Variants in FHIP1A observed in about 807,000 individuals in gnomAD.
FHIP1A encodes the protein FHF complex subunit HOOK interacting protein 1A, also known as FHF complex subunit HOOK-interacting protein 1A.
A neutral mutation model predicts 88.6 loss-of-function variants in FHIP1A; 61 were observed. The observed-to-expected ratio is 0.69, with a 90% CI of 0.56 to 0.85. The LOEUF (loss-of-function observed/expected upper bound fraction) is 0.85. Ranked by LOEUF, FHIP1A falls within the 40% of genes least tolerant of loss-of-function variation. The pLI is 0.00. For missense variants in FHIP1A, 1,154 were observed against 1,273.5 expected, an observed-to-expected ratio of 0.91 and a Z score of 1.43; for synonymous variants, 478 against 496.0, an observed-to-expected ratio of 0.96 and a Z score of 0.48.
chr4:151,624,988 T>G (rs1735899684), intron 7 of FHIP1A, among the ~76,000 whole-genome samples: 1 of 152,144 alleles, frequency 6.6e-6, no homozygotes, highest in Admixed American at 6.5e-5. Context: ...TTCTTGTCCT[T>G]GGAGGGGAGA....
chr4:151,547,951 A>G (rs1296078132), intron 3 of FHIP1A, among the ~76,000 whole-genome samples: 1 of 151,914 alleles, frequency 6.6e-6, no homozygotes, highest in African/African-American at 2.4e-5. Context: ...TGTGGTGAGC[A>G]CTTATCTGCA....
intron 3 of FHIP1A, among the ~76,000 whole-genome samples, chr4:151,536,415 C>G (rs1037633119): frequency 1.3e-5 from 2 of 152,186 alleles, no homozygotes; most frequent in African/African-American, 4.8e-5. Flanking sequence ...TGGGTCCCTT[C>G]TATTGCCCTC....
At chr4:151,489,897 A>G (rs2126645544) in intron 3 of FHIP1A, among the ~76,000 whole-genome samples, 1 of 152,158 alleles carries the variant, frequency 6.6e-6, no homozygotes, top group East Asian at 1.9e-4. Context: ...AGTAGCCAAA[A>G]ACACATAAAC....
intron 1 of FHIP1A, among the ~76,000 whole-genome samples, chr4:151,435,839 A>G (rs1277546941): frequency 6.6e-6 from 1 of 152,112 alleles, no homozygotes. Flanking sequence ...GTAGAATCAT[A>G]TGAATATCAA....
rs375487814 is a variant in FHIP1A at position 151,537,715 on chromosome 4, A to G, written c.-122-28423A>G. On this transcript the variant is annotated intron_variant, in intron 3 of 13. Transcript: ENST00000435205. ...ACTCATCCCTTAGAGACCCTCTAAC[A>G]TTGGTCATAATTTTGCAGCTTGAGG... is the stretch of plus-strand genomic sequence containing the variant. Among the ~76,000 whole-genome samples the G allele has an allele frequency of 1.4e-4, 22 of 152,284 alleles. No homozygotes were observed. In the East Asian group the frequency reaches 3.7e-3, roughly 25 times the overall value.
At chr4:151,475,826 T>A (rs999047058) in intron 2 of FHIP1A, among the ~76,000 whole-genome samples, 7 of 152,114 alleles carry the variant, frequency 4.6e-5, no homozygotes, top group Admixed American at 1.3e-4. Context: ...TGTTTTTTTT[T>A]ATAGAAAAGG....
At chr4:151,619,468 A>G (rs1735657352) in intron 7 of FHIP1A, among the ~76,000 whole-genome samples, 1 of 152,218 alleles carries the variant, frequency 6.6e-6, no homozygotes, top group Admixed American at 6.5e-5. Context: ...AAAATATCAG[A>G]GTGCATTGCA....
intron 3 of FHIP1A, among the ~76,000 whole-genome samples, chr4:151,503,677 A>G (rs1730729070): frequency 6.6e-6 from 1 of 152,206 alleles, no homozygotes. Context: ...CTTGGTTACA[A>G]TCCCACAAAT....
chr4:151,433,732 T>C (rs1159377265), intron 1 of FHIP1A, among the ~76,000 whole-genome samples: 2 of 152,160 alleles, frequency 1.3e-5, no homozygotes, highest in African/African-American at 4.8e-5. Context: ...ATTTTTATTT[T>C]TGTTTTTGTA....
At chr4:151,549,081 G>A (rs754340777) in intron 3 of FHIP1A, among the ~76,000 whole-genome samples, 3 of 152,086 alleles carry the variant, frequency 2.0e-5, no homozygotes, top group Admixed American at 2.0e-4. Flanking sequence ...TTTTAAAGAG[G>A]GCAGGTGTAT....
Position 151,668,402 on chromosome 4 carries a change from T to A in FHIP1A, c.*5648T>A, listed in dbSNP as rs1046779823. Among the ~76,000 whole-genome samples the A allele has an allele frequency of 6.6e-6, 1 of 152,206 alleles. No homozygotes were observed. Among genetic ancestry groups the A allele is most frequent in the Non-Finnish European group, 1.5e-5 (1 of 68,042 alleles). ...CCAAGCTGAAGGAGGGTGTGTACTT[T>A]CCGAAACTTCGAGGCCATCTTAGTA... is the stretch of plus-strand genomic sequence containing the variant. On this transcript the variant is annotated 3_prime_UTR_variant, in exon 14 of 14. Coordinates refer to ENST00000435205, the MANE Select transcript of FHIP1A (RefSeq NM_001109977.3).
chr4:151,649,682 G>C lies in FHIP1A; in HGVS notation c.1641G>C (p.Ser547=). ...TGACGGAGGAGGGCAGTGTGAGCTC[G>C]GCCTGCCCTGTGTTCGGGCTCCCGC... is the stretch of plus-strand genomic sequence containing the variant. ...QSLTEEGSVS[S]ACPVFGLPQQ... is the part of the protein sequence containing the mutation. Residue 547 remains serine, a synonymous_variant, in exon 11 of 14, where the codon TCG becomes TCC. Coordinates refer to ENST00000435205, the MANE Select transcript of FHIP1A (RefSeq NM_001109977.3). The C allele has an allele frequency of 5.2e-6, 8 of 1,551,532 alleles. No homozygotes were observed. The highest frequency in any genetic ancestry group is 6.1e-6 in the Non-Finnish European group (7 of 1,146,940).
chr4:151,621,462 G>A (rs1173288210), intron 7 of FHIP1A, among the ~76,000 whole-genome samples: 2 of 150,020 alleles, frequency 1.3e-5, no homozygotes, highest in East Asian at 2.0e-4. Flanking sequence ...CTTTGTTACA[G>A]TTTGAGTGTC....
intron 3 of FHIP1A, among the ~76,000 whole-genome samples, chr4:151,544,344 A>G (rs145348550): frequency 5.4e-4 from 83 of 152,318 alleles, no homozygotes; most frequent in African/African-American, 1.7e-3. Context: ...ATCTGGCTTC[A>G]CTTACAGTGA....
intron 3 of FHIP1A, among the ~76,000 whole-genome samples, chr4:151,530,504 C>T (rs1185120362): frequency 2.0e-5 from 3 of 152,124 alleles, no homozygotes; most frequent in Admixed American, 6.6e-5. Flanking sequence ...CAAATTTTAC[C>T]AGTCTTGGAA....
chr4:151,623,451 C>T (rs1407149821), intron 7 of FHIP1A, among the ~76,000 whole-genome samples: 3 of 151,314 alleles, frequency 2.0e-5, no homozygotes, highest in African/African-American at 7.3e-5. Flanking sequence ...TCCCCCTCCA[C>T]CCCCGAAAAT....
At chr4:151,563,607 C>G (rs1276878174) in intron 3 of FHIP1A, among the ~76,000 whole-genome samples, 1 of 152,202 alleles carries the variant, frequency 6.6e-6, no homozygotes. Flanking sequence ...TACCTACTTA[C>G]AGCTTTTGCC....
chr4:151,485,766 A>G (rs532388272), intron 3 of FHIP1A, among the ~76,000 whole-genome samples: 36 of 151,680 alleles, frequency 2.4e-4, no homozygotes, highest in African/African-American at 8.7e-4. Flanking sequence ...TAATTTTTTT[A>G]TTTTTTGTAG....
intron 1 of FHIP1A, among the ~76,000 whole-genome samples, chr4:151,413,958 A>G (rs959190735): frequency 1.3e-5 from 2 of 152,148 alleles, no homozygotes; most frequent in Non-Finnish European, 2.9e-5. Flanking sequence ...TGTAGAGACA[A>G]ACCTTTCCCA....
Sources: allele counts gnomAD v4.1 joint callset (sites outside exome capture counted in the v4.1 genomes callset), GRCh38; gene constraint gnomAD v4.1.1; transcripts MANE v1.5; gene names NCBI Gene and HGNC (gene_info 2026-07-23, HGNC 2026-07-21).